The following ABLIM3 variants were observed in gnomAD, a reference collection of about 807,000 sequenced individuals.
The protein encoded by ABLIM3 is actin-binding LIM protein 3.
A neutral mutation model predicts 109.5 loss-of-function variants in ABLIM3; 61 were observed. That is an observed-to-expected ratio of 0.56 (90% CI 0.45 to 0.69). The LOEUF (loss-of-function observed/expected upper bound fraction) is 0.69. ABLIM3 is among the 30% of genes least tolerant of loss of function. ABLIM3 has a pLI of 0.00. For missense variants in ABLIM3, 796 were observed against 889.5 expected (o/e 0.89, Z 1.34); for synonymous variants, 300 against 324.8 (o/e 0.92, Z 0.82).
At chr5:149,155,511 A>G (rs566195133) in intron 2 of ABLIM3, among the ~76,000 whole-genome samples, 13 of 152,304 alleles carry the variant, frequency 8.5e-5, no homozygotes, top group Non-Finnish European at 1.9e-4. Flanking sequence ...AGACAGGCCA[A>G]ATTCCTCTGG....
intron 2 of ABLIM3, among the ~76,000 whole-genome samples, chr5:149,171,041 T>C (rs1755365202): frequency 6.6e-6 from 1 of 152,196 alleles, no homozygotes; most frequent in African/African-American, 2.4e-5. Flanking sequence ...ATCATCTCAC[T>C]TCATGTATTG....
In ABLIM3 at chr5:149,142,080, G is replaced by A. The variant is rs953752509; in HGVS notation, c.-16G>A. The A allele has an allele frequency of 1.4e-5, 23 of 1,613,184 alleles. No individual in the cohort carries two copies. The highest frequency in any genetic ancestry group is 2.2e-5 in the South Asian group (2 of 91,074). On this transcript the variant is annotated 5_prime_UTR_variant, in exon 2 of 24. The change creates a new upstream start codon in the 5' untranslated region. Coordinates refer to ENST00000309868, the MANE Select transcript of ABLIM3 (RefSeq NM_014945.5). The stretch of plus-strand genomic sequence containing the variant: ...GCCTCCGTATTGAATGAAAGACCCA[G>A]TGCAAAGACATCACCATGAACACTA...
rs1446684186 is a variant in ABLIM3, at chr5:149,207,125, A to G, written c.566A>G (p.Tyr189Cys). ...TGCAGCGTCATCCTCACCGGGGAGT[A>G]TATCAGCAAGTGGGTCCCCCTGCTC... Reference protein sequence around the residue: ...QTCSVILTGEYISKDGVPYCE... With the variant: ...QTCSVILTGECISKDGVPYCE... Residue 189 changes from tyrosine to cysteine, a missense_variant, in exon 6 of 24, where the codon TAT (tyrosine) becomes TGT (cysteine). Transcript: ENST00000309868. 1 of 1,613,466 alleles carries G rather than the reference A, an allele frequency of 6.2e-7. No individual in the cohort carries two copies. The highest frequency in any genetic ancestry group is 1.7e-5 in the Admixed American group (1 of 59,960).
At chr5:149,212,215 G>A (rs896486107) in intron 7 of ABLIM3, among the ~76,000 whole-genome samples, 2 of 152,162 alleles carry the variant, frequency 1.3e-5, no homozygotes, top group South Asian at 4.1e-4. Flanking sequence ...TTCAGAGAGA[G>A]TCAGAGACAA....
chr5:149,203,314 A>G (rs914162522), intron 5 of ABLIM3, among the ~76,000 whole-genome samples: 1 of 127,554 alleles, frequency 7.8e-6, no homozygotes, highest in Non-Finnish European at 1.7e-5. Context: ...TACCTCCATC[A>G]CTACTACCAC....
At chr5:149,258,258 T>C (rs1581263616) in intron 23 of ABLIM3, 33 bp from the exon 24 acceptor site, 1 of 1,595,292 alleles carries the variant, frequency 6.3e-7, no homozygotes, top group Non-Finnish European at 8.6e-7. Context: ...TCTTTCTCTG[T>C]CCCCCCACCC....
rs757464455 is a variant in ABLIM3 at position 149,258,488 on chromosome 5, T to C, written c.*84T>C. On this transcript the variant is annotated 3_prime_UTR_variant, in exon 24 of 24. Coordinates refer to ENST00000309868, the MANE Select transcript of ABLIM3 (RefSeq NM_014945.5). ...TGAAGCTCGGTATAATCCTCTCTTG[T>C]GTAATGGGACACACTGCCTGCCATG... 6.8e-7 allele frequency: 1 copy of C among 1,467,398 alleles called. No individual in the cohort carries two copies. Among genetic ancestry groups the C allele is most frequent in the Non-Finnish European group, 9.0e-7 (1 of 1,115,096 alleles). 90.9% of individuals were successfully genotyped at this position (1,467,398 alleles called of 1,614,324 possible).
intron 9 of ABLIM3, among the ~76,000 whole-genome samples, chr5:149,231,014 C>T (rs1458418362): frequency 2.6e-5 from 4 of 152,158 alleles, no homozygotes; most frequent in Non-Finnish European, 5.9e-5. Context: ...GAGAAGCTCT[C>T]GCCATGGTTT....
intron 3 of ABLIM3, among the ~76,000 whole-genome samples, chr5:149,195,108 A>C (rs1357498710): frequency 2.6e-5 from 4 of 152,208 alleles, no homozygotes; most frequent in African/African-American, 9.7e-5. Context: ...AGAGTCTTGC[A>C]CTTTCTGTTC....
rs10564662 is a variant in ABLIM3 at position 149,208,350 on chromosome 5, GTCTCTCTCTCTCTC to G, written c.575+1239_575+1252del. On this transcript the variant is annotated intron_variant, in intron 6 of 23. Coordinates refer to ENST00000309868, the MANE Select transcript of ABLIM3 (RefSeq NM_014945.5). ...TCTGTCTTTCTCTATCTATCTTTTT[GTCTCTCTCTCTCTC>G]TCTCTCTCTCTCTCTCTCTCTCAAT... 3.5e-3 allele frequency among the ~76,000 whole-genome samples: 466 copies of G among 132,306 alleles called. 3 individuals carry two copies. Among genetic ancestry groups the G allele is most frequent in the African/African-American group, 0.013 (452 of 34,476 alleles). 86.8% of individuals were successfully genotyped at this position (132,306 alleles called of 152,430 possible).
At chr5:149,187,473 G>A (rs903201080) in intron 3 of ABLIM3, among the ~76,000 whole-genome samples, 1 of 152,186 alleles carries the variant, frequency 6.6e-6, no homozygotes, top group African/African-American at 2.4e-5. Flanking sequence ...GAAAGATTAT[G>A]TATTCAGCAA....
chr5:149,160,845 T>A (rs1046202035), intron 2 of ABLIM3, among the ~76,000 whole-genome samples: 1 of 152,166 alleles, frequency 6.6e-6, no homozygotes, highest in African/African-American at 2.4e-5. Context: ...AGGCTAACTG[T>A]CTAACATGGG....
chr5:149,203,528 G>A (rs561341036), intron 5 of ABLIM3, among the ~76,000 whole-genome samples: 4 of 150,564 alleles, frequency 2.7e-5, no homozygotes, highest in Admixed American at 2.6e-4. Context: ...TCTCCAACAC[G>A]ATCACTACCA....
rs56404356 is a variant in ABLIM3 at position 149,248,269 on chromosome 5, T to C, written c.1699+340T>C. Reference sequence around the variant, plus strand: ...TGCAATGCCCCTTCTGGGAGCTTCATTGAGGTCTAGAATACAGATTTGGAA... The same window carrying C: ...TGCAATGCCCCTTCTGGGAGCTTCACTGAGGTCTAGAATACAGATTTGGAA... On this transcript the variant is annotated intron_variant, in intron 18 of 23. Coordinates refer to ENST00000309868, the MANE Select transcript of ABLIM3 (RefSeq NM_014945.5). Among the ~76,000 whole-genome samples the C allele has an allele frequency of 1.3e-3, 194 of 152,294 alleles. 1 individual carries two copies. Among genetic ancestry groups the C allele is most frequent in the African/African-American group, 4.2e-3 (175 of 41,562 alleles).
In ABLIM3 at chr5:149,196,604, T is replaced by G. The variant is rs17795681; in HGVS notation, c.152-1615T>G. The stretch of plus-strand genomic sequence containing the variant: ...AAAGTCAGTCCATCAGACAGCAGCC[T>G]CAGAACCAGGGGAGCTGGTGACAGG... On this transcript the variant is annotated intron_variant, in intron 3 of 23. Transcript: ENST00000309868. Among the ~76,000 whole-genome samples, 284 of 152,332 alleles carry G rather than the reference T, an allele frequency of 1.9e-3. 2 individuals carry two copies. The East Asian group carries it at 0.044, about 24-fold the overall frequency.
chr5:149,216,190 G>C (rs1365963121), intron 7 of ABLIM3, among the ~76,000 whole-genome samples: 1 of 152,076 alleles, frequency 6.6e-6, no homozygotes. Context: ...TCCTTTGTGT[G>C]CCAGTCTCAC....
rs191627960 is a variant in ABLIM3, at chr5:149,258,548, G to A, written c.*144G>A. 5.7e-5 allele frequency: 79 copies of A among 1,394,796 alleles called. No homozygotes were observed. The highest frequency in any genetic ancestry group is 5.1e-4 in the East Asian group (19 of 37,064). 86.4% of individuals were successfully genotyped at this position (1,394,796 alleles called of 1,614,324 possible). A position where few individuals can be genotyped will look rare whatever the true frequency, so the allele number is the denominator to read the frequency against. ...TTTCTGTACTGTCAGGCAAGCCCAC[G>A]TCATCGAGATATTTTTATGCTCCTT... On this transcript the variant is annotated 3_prime_UTR_variant, in exon 24 of 24. Coordinates refer to ENST00000309868, the MANE Select transcript of ABLIM3 (RefSeq NM_014945.5).
In ABLIM3 at chr5:149,241,493, G is replaced by C. The variant is rs527469870; in HGVS notation, c.1303+719G>C. 9.2e-5 allele frequency among the ~76,000 whole-genome samples: 14 copies of C among 152,312 alleles called. 1 individual carries two copies. The East Asian group carries it at 2.7e-3, about 29-fold the overall frequency. ...AGATGAGAAGGGGCCTGGCGTGGTCGCTCACGCCTGTAATCCCAGCACTTT... is the reference window on the plus strand; with the variant it reads ...AGATGAGAAGGGGCCTGGCGTGGTCCCTCACGCCTGTAATCCCAGCACTTT... On this transcript the variant is annotated intron_variant, in intron 14 of 23. Coordinates refer to ENST00000309868, the MANE Select transcript of ABLIM3 (RefSeq NM_014945.5).
chr5:149,230,713 C>A lies in ABLIM3; in HGVS notation c.816+6C>A, dbSNP rs2918265. ...GGGCAGAGAAGAAGTTAAAGGTAAG[C>A]AAGCTAGTAGATTCCAGACCAGCAC... On this transcript the variant is annotated splice_donor_region_variant and intron_variant, in intron 9 of 23. Coordinates refer to ENST00000309868, the MANE Select transcript of ABLIM3 (RefSeq NM_014945.5). 0.46 allele frequency: 745,292 copies of A among 1,612,688 alleles called. 175,167 individuals are homozygous for A. Among genetic ancestry groups the A allele is most frequent in the East Asian group, 0.57 (25,590 of 44,826 alleles).
Sources: allele counts gnomAD v4.1 joint callset (sites outside exome capture counted in the v4.1 genomes callset), GRCh38; gene constraint gnomAD v4.1.1; transcripts MANE v1.5; gene names NCBI Gene and HGNC (gene_info 2026-07-23, HGNC 2026-07-21).